Variants in ABCA1 observed in about 807,000 individuals in gnomAD.
The protein encoded by ABCA1 is phospholipid-transporting ATPase ABCA1.
Under a neutral mutation model 262.5 loss-of-function variants are expected in ABCA1, and 133 were observed. That is an observed-to-expected ratio of 0.51 (90% CI 0.44 to 0.59). The LOEUF is 0.59. ABCA1 is among the 20% of genes least tolerant of loss of function. The pLI is 0.00. For missense variants in ABCA1, 2,452 were observed against 2,777.5 expected, an observed-to-expected ratio of 0.88 and a Z score of 2.63; for synonymous variants, 1,022 against 1,043.5, an observed-to-expected ratio of 0.98 and a Z score of 0.40.
chr9:104,842,015 A>G (rs1027399319), intron 8 of ABCA1, among the ~76,000 whole-genome samples: 1 of 152,218 alleles, frequency 6.6e-6, no homozygotes, highest in African/African-American at 2.4e-5. Context: ...GGGAAGGGCC[A>G]CGAGGCCCTG....
intron 38 of ABCA1, 23 bp from the exon 39 acceptor site, chr9:104,796,220 G>T: frequency 1.2e-6 from 2 of 1,614,156 alleles, no homozygotes; most frequent in Non-Finnish European, 1.7e-6. Flanking sequence ...AAAAAGATAA[G>T]TGTCTACTGA....
intron 1 of ABCA1, among the ~76,000 whole-genome samples, chr9:104,911,720 T>G (rs143910065): frequency 1.4e-4 from 22 of 152,240 alleles, no homozygotes; most frequent in African/African-American, 5.3e-4. Flanking sequence ...GAAACTACCT[T>G]GAGTTAGGGG....
intron 5 of ABCA1, among the ~76,000 whole-genome samples, chr9:104,868,489 G>A (rs1204901508): frequency 6.6e-6 from 1 of 152,246 alleles, no homozygotes; most frequent in Admixed American, 6.5e-5. Flanking sequence ...TAACTGGAAG[G>A]TATGACCTCT....
At chr9:104,813,843 G>A (rs1037287494) in intron 27 of ABCA1, among the ~76,000 whole-genome samples, 5 of 152,196 alleles carry the variant, frequency 3.3e-5, no homozygotes, top group Admixed American at 1.3e-4. Flanking sequence ...CAAGAAACTA[G>A]GACCCCGCAG....
At chr9:104,847,980 CAG>C (rs147477460) in intron 7 of ABCA1, among the ~76,000 whole-genome samples, 70 of 152,212 alleles carry the variant, frequency 4.6e-4, no homozygotes, top group African/African-American at 1.7e-3. Context: ...GTTGACATTT[CAG>C]TTGAAAAACC....
Position 104,817,285 on chromosome 9 carries a change from G to C in ABCA1, c.3535+47C>G, listed in dbSNP as rs778078476. ...TCCTCTGCCTCCACTCTGCCCAGCT[G>C]GGGGAAGCTCAGGCACCACCTGAAT... On this transcript the variant is annotated intron_variant, in intron 24 of 49. Transcript: ENST00000374736. This position sits in a 1 kb window ranked among gnomAD's most constrained non-coding sequence, Gnocchi z 4.7. 3 of 1,613,786 alleles carry C rather than the reference G, an allele frequency of 1.9e-6. No individual in the cohort carries two copies. Among genetic ancestry groups the C allele is most frequent in the Non-Finnish European group, 1.7e-6 (2 of 1,179,878 alleles).
chr9:104,873,962 A>G (rs564460789), intron 5 of ABCA1, among the ~76,000 whole-genome samples: 1 of 152,252 alleles, frequency 6.6e-6, no homozygotes, highest in East Asian at 1.9e-4. Flanking sequence ...ACGAAGGTAT[A>G]TTTCCCAGGG....
intron 4 of ABCA1, among the ~76,000 whole-genome samples, chr9:104,883,691 C>CT (rs35204953): frequency 0.2 from 30,451 of 152,080 alleles, 3,149 homozygotes; most frequent in South Asian, 0.32. Flanking sequence ...GCTACAAAGC[C>CT]AGTCTAGGGT....
At chr9:104,795,910 AG>A in intron 39 of ABCA1, 142 bp downstream of exon 39, 1 of 1,205,436 alleles carries the variant, frequency 8.3e-7, no homozygotes, top group Non-Finnish European at 1.2e-6. Context: ...TTGCCTTCTC[AG>A]GGAAGACAGA....
chr9:104,854,572 G>A (rs1261136849), intron 7 of ABCA1, among the ~76,000 whole-genome samples: 2 of 152,154 alleles, frequency 1.3e-5, no homozygotes, highest in African/African-American at 4.8e-5. Flanking sequence ...TGTGAGACAG[G>A]AAGGTGGCCC....
In ABCA1 at chr9:104,903,656, C is replaced by A; in HGVS notation, c.24G>T (p.Arg8Ser). ...AAGTGAGGTTCTTCCACAGCAGCAA[C>A]CTCAGCTGAGGCCAACAAGCCATGT... is the stretch of plus-strand genomic sequence containing the variant. MACWPQL[R>S]LLLWKNLTFR... Residue 8 changes from arginine to serine, a missense_variant, in exon 2 of 50, where the codon AGG becomes AGT. This residue lies in a region of ABCA1 where 1,032 missense variants were observed against 1,089.7 expected (regional missense o/e 0.95). Transcript: ENST00000374736. 2 of 1,588,186 alleles carry A rather than the reference C, an allele frequency of 1.3e-6. No homozygotes were observed. Among genetic ancestry groups the A allele is most frequent in the Non-Finnish European group, 1.7e-6 (2 of 1,166,854 alleles).
chr9:104,836,727 G>C (rs1833847186), intron 11 of ABCA1, among the ~76,000 whole-genome samples: 2 of 152,106 alleles, frequency 1.3e-5, no homozygotes, highest in Admixed American at 6.5e-5. Context: ...CCAAACACCA[G>C]CCCTCACTAA....
At chr9:104,802,682 G>A (rs372527725) in intron 33 of ABCA1, among the ~76,000 whole-genome samples, 13 of 152,160 alleles carry the variant, frequency 8.5e-5, no homozygotes, top group African/African-American at 2.7e-4. Context: ...AGGAGCCTTC[G>A]GGCCCCCTGA....
chr9:104,897,442 T>C (rs1042850004), intron 2 of ABCA1, among the ~76,000 whole-genome samples: 11 of 152,340 alleles, frequency 7.2e-5, no homozygotes, highest in African/African-American at 1.4e-4. Flanking sequence ...AGAATCTTTA[T>C]AGTAATTTAT....
At chr9:104,896,161 G>A (rs2118381145) in intron 2 of ABCA1, among the ~76,000 whole-genome samples, 1 of 152,270 alleles carries the variant, frequency 6.6e-6, no homozygotes, top group East Asian at 1.9e-4. Context: ...TTGCAAGTAT[G>A]GGTAAGTTAA....
At position 104,817,758 on chromosome 9, in the gene ABCA1, A is replaced by T. The variant is rs1392712896; in HGVS notation, c.3463-354T>A. On this transcript the variant is annotated intron_variant, in intron 23 of 49. Transcript: ENST00000374736. The surrounding 1 kb of genome is among the most constrained non-coding windows in gnomAD (Gnocchi z 4.7). ...CTCATGCTTTAATGTGTGTTCAACCACTCAAGAACCTTGTTAAAATGCACA... is the reference window on the plus strand; with the variant it reads ...CTCATGCTTTAATGTGTGTTCAACCTCTCAAGAACCTTGTTAAAATGCACA... 6.6e-6 allele frequency among the ~76,000 whole-genome samples: 1 copy of T among 152,174 alleles called. No individual in the cohort carries two copies. Among genetic ancestry groups the T allele is most frequent in the Non-Finnish European group, 1.5e-5 (1 of 68,038 alleles).
chr9:104,804,486 G>T, intron 32 of ABCA1, 140 bp downstream of exon 32: 3 of 759,036 alleles, frequency 4.0e-6, no homozygotes, highest in East Asian at 2.6e-5. Context: ...TTCTAGTTTG[G>T]GATAATATCC....
intron 5 of ABCA1, among the ~76,000 whole-genome samples, chr9:104,864,366 G>A (rs1372746203): frequency 2.6e-5 from 4 of 152,140 alleles, no homozygotes; most frequent in African/African-American, 7.2e-5. Context: ...AACAGAAAGC[G>A]ACATCCGGGG....
chr9:104,814,356 A>G, intron 26 of ABCA1, 71 bp downstream of exon 26: 1 of 1,577,058 alleles, frequency 6.3e-7, no homozygotes, highest in East Asian at 2.2e-5. Context: ...GGAAAGGAAC[A>G]ATACTCGTGC....
Sources: gnomAD v4.1 joint callset for allele counts (sites outside exome capture counted in the v4.1 genomes callset) on GRCh38, gnomAD v4.1.1 for gene constraint, gnomAD v4.1.1 regional missense constraint, Gnocchi (gnomAD v3.1) non-coding constraint, MANE v1.5 for transcripts, NCBI Gene and HGNC (gene_info 2026-07-23, HGNC 2026-07-21) for gene names.